The following CCNY variants were observed in gnomAD, a reference collection of about 807,000 sequenced individuals.
CCNY encodes the protein cyclin Y.
In CCNY, 19 loss-of-function variants were observed where a neutral mutation model predicts 42.8. The observed-to-expected ratio is 0.44, with a 90% confidence interval of 0.31 to 0.65. The LOEUF (loss-of-function observed/expected upper bound fraction) is 0.65, where lower values mean the gene tolerates loss of function less well. CCNY is among the 30% of genes least tolerant of loss of function. CCNY has a pLI of 0.07. For missense variants in CCNY, 370 were observed against 437.3 expected, an observed-to-expected ratio of 0.85 and a Z score of 1.37; for synonymous variants, 165 against 162.7, an observed-to-expected ratio of 1.01 and a Z score of -0.11.
chr10:35,556,753 G>A (rs545592706), intron 8 of CCNY, among the ~76,000 whole-genome samples: 1 of 152,226 alleles, frequency 6.6e-6, no homozygotes, highest in African/African-American at 2.4e-5. Context: ...CCTTTCTGGA[G>A]GTGCCAGCCA....
chr10:35,404,063 G>A (rs1035912529), intron 1 of CCNY, among the ~76,000 whole-genome samples: 1 of 152,266 alleles, frequency 6.6e-6, no homozygotes, highest in Non-Finnish European at 1.5e-5. Flanking sequence ...TCAACAAAGA[G>A]TGAGTACAGC....
At chr10:35,494,758 T>C (rs1304898579) in intron 2 of CCNY, among the ~76,000 whole-genome samples, 2 of 152,250 alleles carry the variant, frequency 1.3e-5, no homozygotes, top group Admixed American at 1.3e-4. Flanking sequence ...GGCATGTTCA[T>C]ATATGAGCAC....
At chr10:35,542,302 G>A (rs527407206) in intron 7 of CCNY, among the ~76,000 whole-genome samples, 8 of 151,178 alleles carry the variant, frequency 5.3e-5, no homozygotes, top group Non-Finnish European at 1.2e-4. Flanking sequence ...TTTTTTGGAG[G>A]AAAATAACAA....
At chr10:35,518,455 C>A (rs549810627) in intron 4 of CCNY, among the ~76,000 whole-genome samples, 5 of 144,204 alleles carry the variant, frequency 3.5e-5, no homozygotes, top group Non-Finnish European at 6.1e-5. Context: ...TTTTTAACAG[C>A]TCTTGATTGA....
rs530640719 is a variant in CCNY at position 35,409,014 on chromosome 10, C to A, written c.154+71807C>A. On this transcript the variant is annotated intron_variant, in intron 1 of 9. Transcript: ENST00000374704. Reference sequence around the variant, plus strand: ...AGAGTTATTTTGTCTTGACCCAATGCAAAGATGAAAGCAGAAATCAGATTT... The same window carrying A: ...AGAGTTATTTTGTCTTGACCCAATGAAAAGATGAAAGCAGAAATCAGATTT... 3.6e-3 allele frequency among the ~76,000 whole-genome samples: 547 copies of A among 151,498 alleles called. 1 individual carries two copies. The highest frequency in any genetic ancestry group is 6.5e-3 in the Non-Finnish European group (443 of 67,946).
At chr10:35,268,115 G>A (rs1039300484) in intron 3 of CCNY, among the ~76,000 whole-genome samples, 3 of 152,114 alleles carry the variant, frequency 2.0e-5, no homozygotes, top group South Asian at 2.1e-4. Flanking sequence ...GGTTGGTCTC[G>A]AACTCCTGGC....
chr10:35,273,602 G>A (rs1434533430), intron 3 of CCNY, among the ~76,000 whole-genome samples: 1 of 152,144 alleles, frequency 6.6e-6, no homozygotes, highest in Admixed American at 6.6e-5. Context: ...CTCTTGGGGA[G>A]GATAGAGTCC....
intron 3 of CCNY, among the ~76,000 whole-genome samples, chr10:35,273,031 C>T (rs1835192724): frequency 6.6e-6 from 1 of 151,586 alleles, no homozygotes; most frequent in South Asian, 2.1e-4. Flanking sequence ...TGGTGTTGAG[C>T]TTTTTTTCAC....
At chr10:35,421,319 A>G (rs1838153987) in intron 1 of CCNY, among the ~76,000 whole-genome samples, 1 of 152,168 alleles carries the variant, frequency 6.6e-6, no homozygotes. Context: ...CAGGAAGTTC[A>G]GAGGCACGGT....
At chr10:35,535,504 A>G (rs1284796592) in intron 7 of CCNY, among the ~76,000 whole-genome samples, 2 of 151,830 alleles carry the variant, frequency 1.3e-5, no homozygotes, top group African/African-American at 2.4e-5. Context: ...CTCTCTCCCT[A>G]TATGTGTATG....
At chr10:35,373,476 T>G (rs1836983015) in intron 1 of CCNY, among the ~76,000 whole-genome samples, 1 of 152,178 alleles carries the variant, frequency 6.6e-6, no homozygotes, top group Non-Finnish European at 1.5e-5. Context: ...TACTTTACTT[T>G]GTATTTCTAA....
At chr10:35,546,639 A>G (rs905486536) in intron 7 of CCNY, among the ~76,000 whole-genome samples, 1 of 152,228 alleles carries the variant, frequency 6.6e-6, no homozygotes, top group Non-Finnish European at 1.5e-5. Context: ...AGTCTAGCTT[A>G]CCATGAATGC....
intron 1 of CCNY, among the ~76,000 whole-genome samples, chr10:35,340,490 A>G (rs1340893035): frequency 1.3e-5 from 2 of 149,876 alleles, no homozygotes; most frequent in Non-Finnish European, 3.0e-5. Flanking sequence ...AAAATGGTTG[A>G]TGGCAACTTC....
chr10:35,292,339 A>G (rs1835422675), intron 3 of CCNY, among the ~76,000 whole-genome samples: 1 of 152,106 alleles, frequency 6.6e-6, no homozygotes, highest in Non-Finnish European at 1.5e-5. Flanking sequence ...CTTTTGAAGA[A>G]CAATAGTTTT....
At chr10:35,479,365 A>C (rs1174745170) in intron 1 of CCNY, among the ~76,000 whole-genome samples, 11 of 147,322 alleles carry the variant, frequency 7.5e-5, no homozygotes, top group Non-Finnish European at 9.1e-5. Context: ...CCAAATGTCC[A>C]ACAATGATAG....
intron 2 of CCNY, among the ~76,000 whole-genome samples, chr10:35,485,734 A>C (rs947667036): frequency 4.1e-4 from 61 of 148,844 alleles, no homozygotes; most frequent in Non-Finnish European, 7.7e-4. Flanking sequence ...CAAAAAAAAA[A>C]AAAAACAAAA....
At chr10:35,516,413 TA>T in intron 3 of CCNY, 109 bp from the exon 4 acceptor site, 1 of 727,624 alleles carries the variant, frequency 1.4e-6, no homozygotes, top group Non-Finnish European at 2.4e-6. Context: ...CATTTCTTGC[TA>T]AGACATTTTT....
intron 1 of CCNY, among the ~76,000 whole-genome samples, chr10:35,356,872 G>A (rs1836562064): frequency 6.6e-6 from 1 of 152,132 alleles, no homozygotes; most frequent in African/African-American, 2.4e-5. Context: ...ATCCCTGAGT[G>A]GCTTCTGTTG....
intron 3 of CCNY, among the ~76,000 whole-genome samples, chr10:35,275,626 G>A (rs902092839): frequency 6.6e-6 from 1 of 152,058 alleles, no homozygotes; most frequent in Admixed American, 6.5e-5. Context: ...AGCTGGGCAT[G>A]GTGGTGGGCA....
Sources: gnomAD v4.1 joint callset for allele counts (sites outside exome capture counted in the v4.1 genomes callset) on GRCh38, gnomAD v4.1.1 for gene constraint, MANE v1.5 for transcripts, NCBI Gene and HGNC (gene_info 2026-07-23, HGNC 2026-07-21) for gene names.